Variants in HIPK3 observed in about 807,000 individuals in gnomAD.
HIPK3 encodes the protein homeodomain interacting protein kinase 3.
Under a neutral mutation model 124.2 loss-of-function variants are expected in HIPK3, and 47 were observed. That is an observed-to-expected ratio of 0.38 (90% CI 0.30 to 0.48). The LOEUF is 0.48. Among genes scored for constraint, HIPK3 ranks in the 20% least tolerant of loss-of-function variants. The pLI is 0.98. For missense variants in HIPK3, 1,286 were observed against 1,454.3 expected (o/e 0.88, Z 1.88); for synonymous variants, 482 against 515.2 (o/e 0.94, Z 0.87).
At chr11:33,338,226 A>G (rs1853215951) in intron 4 of HIPK3, among the ~76,000 whole-genome samples, 1 of 152,012 alleles carries the variant, frequency 6.6e-6, no homozygotes, top group South Asian at 2.1e-4. Context: ...AACTTCATAA[A>G]CAGTTATTAT....
Position 33,280,664 on chromosome 11 carries a change from G to A in HIPK3, c.-2-5749G>A, listed in dbSNP as rs1276476238. On this transcript the variant is annotated intron_variant, in intron 1 of 16. Coordinates refer to ENST00000303296, the MANE Select transcript of HIPK3 (RefSeq NM_005734.5). ...ACACTTTGTCCAAACCCTGGTTGGA[G>A]CCCTGGGTTGATTGATTGCCTTCCA... Among the ~76,000 whole-genome samples the A allele has an allele frequency of 2.0e-5, 3 of 152,196 alleles. No homozygotes were observed. In the South Asian group the frequency reaches 6.2e-4, roughly 31 times the overall value.
At chr11:33,279,077 GC>G (rs1851344347) in intron 1 of HIPK3, among the ~76,000 whole-genome samples, 1 of 152,006 alleles carries the variant, frequency 6.6e-6, no homozygotes, top group South Asian at 2.1e-4. Context: ...CACTTGAGAG[GC>G]TGAGGTGGGT....
chr11:33,276,855 C>T (rs1398359150), intron 1 of HIPK3, among the ~76,000 whole-genome samples: 1 of 151,934 alleles, frequency 6.6e-6, no homozygotes, highest in African/African-American at 2.4e-5. Flanking sequence ...CAGGTGTGCA[C>T]CACTACACCC....
intron 1 of HIPK3, among the ~76,000 whole-genome samples, chr11:33,264,805 C>T (rs1850912621): frequency 6.6e-6 from 1 of 152,070 alleles, no homozygotes; most frequent in African/African-American, 2.4e-5. Context: ...AAAACATTTG[C>T]AGGATATAAC....
At chr11:33,325,290 A>G (rs1238049596) in intron 2 of HIPK3, among the ~76,000 whole-genome samples, 1 of 152,198 alleles carries the variant, frequency 6.6e-6, no homozygotes, top group Non-Finnish European at 1.5e-5. Flanking sequence ...TGTTATTGTT[A>G]CTTTCCTTTA....
intron 1 of HIPK3, among the ~76,000 whole-genome samples, chr11:33,263,127 C>G (rs940215922): frequency 2.6e-5 from 4 of 152,178 alleles, no homozygotes; most frequent in Admixed American, 6.5e-5. Context: ...GCCTTGGCCT[C>G]CCAAAGTGCT....
At position 33,355,617 on chromosome 11, in the gene HIPK3, A is replaced by G. The variant is rs966870083; in HGVS notation, c.*2049A>G. The G allele has an allele frequency of 6.6e-6, 1 of 151,996 alleles. No individual in the cohort carries two copies. Among genetic ancestry groups the G allele is most frequent in the Non-Finnish European group, 1.5e-5 (1 of 67,896 alleles). The allele number at this position is 151,996 out of a possible 1,614,324, so 9.4% of individuals were successfully genotyped here. ...AGCGTTCACAATAAGCTAATAATGGATAAGTTTTCTTCACTCCATTAACAC... is the reference window on the plus strand; with the variant it reads ...AGCGTTCACAATAAGCTAATAATGGGTAAGTTTTCTTCACTCCATTAACAC... On this transcript the variant is annotated 3_prime_UTR_variant, in exon 17 of 17. Coordinates refer to ENST00000303296, the MANE Select transcript of HIPK3 (RefSeq NM_005734.5).
At chr11:33,270,930 A>G (rs1851108232) in intron 1 of HIPK3, among the ~76,000 whole-genome samples, 1 of 152,224 alleles carries the variant, frequency 6.6e-6, no homozygotes, top group South Asian at 2.1e-4. Flanking sequence ...TTCCCTGAAT[A>G]TTTTGTAATT....
At chr11:33,339,670 G>A in intron 6 of HIPK3, 136 bp downstream of exon 6, 1 of 594,798 alleles carries the variant, frequency 1.7e-6, no homozygotes. Context: ...ACTTGACCAA[G>A]TTCACATACA....
intron 16 of HIPK3, 101 bp downstream of exon 16, chr11:33,352,366 G>A: frequency 7.7e-7 from 1 of 1,292,322 alleles, no homozygotes; most frequent in Non-Finnish European, 1.1e-6. Context: ...TAGTGTTAAT[G>A]AATTTTTCCC....
At chr11:33,344,513 G>A (rs1207314920) in intron 8 of HIPK3, among the ~76,000 whole-genome samples, 2 of 152,136 alleles carry the variant, frequency 1.3e-5, no homozygotes, top group Non-Finnish European at 2.9e-5. Context: ...AATGAGGTTA[G>A]AAAAATCTTT....
intron 2 of HIPK3, among the ~76,000 whole-genome samples, chr11:33,299,299 C>T (rs1851926907): frequency 6.6e-6 from 1 of 151,306 alleles, no homozygotes; most frequent in Non-Finnish European, 1.5e-5. Flanking sequence ...TGGTGAAACC[C>T]TGTCTCTACT....
chr11:33,310,228 T>TTGTCTGTCTGTCTGTCTGTC (rs67183549), intron 2 of HIPK3, among the ~76,000 whole-genome samples: 1 of 146,424 alleles, frequency 6.8e-6, no homozygotes, highest in East Asian at 2.0e-4. Flanking sequence ...CTGGCTATCT[T>TTGTCTGTCTGTCTGTCTGTC]TGTCTGTCTG....
intron 2 of HIPK3, among the ~76,000 whole-genome samples, chr11:33,303,214 A>G (rs1204189890): frequency 6.6e-6 from 1 of 152,232 alleles, no homozygotes; most frequent in African/African-American, 2.4e-5. Flanking sequence ...TAACCTATGC[A>G]CTGCCTCCTG....
intron 3 of HIPK3, among the ~76,000 whole-genome samples, chr11:33,330,306 G>T (rs564517625): frequency 1.3e-5 from 2 of 152,154 alleles, no homozygotes; most frequent in Admixed American, 1.3e-4. Context: ...TCACAGTTCA[G>T]TGGGGTTTTT....
chr11:33,315,012 A>G (rs1265327211), intron 2 of HIPK3, among the ~76,000 whole-genome samples: 3 of 152,358 alleles, frequency 2.0e-5, no homozygotes, highest in East Asian at 1.9e-4. Flanking sequence ...ATGCAATACA[A>G]ATATGTAGCA....
intron 2 of HIPK3, among the ~76,000 whole-genome samples, chr11:33,315,348 T>C (rs1852468803): frequency 6.6e-6 from 1 of 152,188 alleles, no homozygotes; most frequent in African/African-American, 2.4e-5. Context: ...TGCCTCAGCC[T>C]CCCAAGTAGC....
Position 33,356,430 on chromosome 11 carries a change from A to C in HIPK3, c.*2862A>C, listed in dbSNP as rs1853818342. ...AATGCTTTCTTAAATAAAACACTGC[A>C]TGATTTCCAAGTTGCATATTTGCAT... On this transcript the variant is annotated 3_prime_UTR_variant, in exon 17 of 17. Transcript: ENST00000303296. 6.6e-6 allele frequency: 1 copy of C among 151,982 alleles called. No homozygotes were observed. The highest frequency in any genetic ancestry group is 2.4e-5 in the African/African-American group (1 of 41,450). 9.4% of individuals were successfully genotyped at this position (151,982 alleles called of 1,614,324 possible). A position where few individuals can be genotyped will look rare whatever the true frequency, so the allele number is the denominator to read the frequency against.
At chr11:33,308,124 T>C (rs1249683015) in intron 2 of HIPK3, among the ~76,000 whole-genome samples, 1 of 152,194 alleles carries the variant, frequency 6.6e-6, no homozygotes, top group Non-Finnish European at 1.5e-5. Context: ...GAGATTAAGA[T>C]GCATTGTTTT....
Sources: allele counts gnomAD v4.1 joint callset (sites outside exome capture counted in the v4.1 genomes callset), GRCh38; gene constraint gnomAD v4.1.1; transcripts MANE v1.5; gene names NCBI Gene and HGNC (gene_info 2026-07-23, HGNC 2026-07-21).